Variants in LSM4 observed in about 807,000 individuals in gnomAD.
The protein encoded by LSM4 is U6 snRNA-associated Sm-like protein LSm4.
Under a neutral mutation model 22.3 loss-of-function variants are expected in LSM4, and 15 were observed. The observed-to-expected ratio is 0.67, with a 90% CI of 0.45 to 1.03. The LOEUF is 1.03. Among genes scored for constraint, LSM4 ranks in the 50% least tolerant of loss-of-function variants. The pLI, the probability that LSM4 is intolerant of heterozygous loss-of-function variation, is 0.00. For missense variants in LSM4, 127 were observed against 198.0 expected (o/e 0.64, Z 2.15); for synonymous variants, 90 against 79.8 (o/e 1.13, Z -0.68).
At position 18,307,351 on chromosome 19, in the gene LSM4, A is replaced by C; in HGVS notation, c.*113T>G. 1 of 821,104 alleles carries C rather than the reference A, an allele frequency of 1.2e-6. No individual in the cohort carries two copies. The highest frequency in any genetic ancestry group is 1.7e-6 in the Non-Finnish European group (1 of 592,724). 50.9% of individuals were successfully genotyped at this position (821,104 alleles called of 1,614,324 possible). On this transcript the variant is annotated 3_prime_UTR_variant, in exon 5 of 5. Transcript: ENST00000593829. ...TAAAAGGGAGGGTCACAAAACACGA[A>C]GGGGGTTCCCCCTGGCGCCTGCCTC...
chr19:18,312,545 G>A lies in LSM4; in HGVS notation c.144+59C>T, dbSNP rs965226369. Reference sequence around the variant, plus strand: ...CCTCCCATGAGGCCCAGGGAGGGAGGGAGGAGGCTGAGTGTGCACCCCCTG... The same window carrying A: ...CCTCCCATGAGGCCCAGGGAGGGAGAGAGGAGGCTGAGTGTGCACCCCCTG... On this transcript the variant is annotated intron_variant, in intron 3 of 4. Transcript: ENST00000593829. The A allele has an allele frequency of 2.1e-6, 3 of 1,414,218 alleles. No individual in the cohort carries two copies. In the African/African-American group the frequency reaches 4.2e-5, roughly 20 times the overall value. 87.6% of individuals were successfully genotyped at this position (1,414,218 alleles called of 1,614,324 possible). A position where few individuals can be genotyped will look rare whatever the true frequency, so the allele number is the denominator to read the frequency against.
At chr19:18,319,009 G>C (rs1970391036) in intron 1 of LSM4, among the ~76,000 whole-genome samples, 1 of 152,128 alleles carries the variant, frequency 6.6e-6, no homozygotes, top group African/African-American at 2.4e-5. Context: ...TTGGGAGGCT[G>C]AGGCGGGCAG....
chr19:18,310,617 T>A (rs1970288143), intron 3 of LSM4, among the ~76,000 whole-genome samples: 1 of 152,138 alleles, frequency 6.6e-6, no homozygotes, highest in African/African-American at 2.4e-5. Context: ...GGGCCATTCC[T>A]ACCATATCAG....
In LSM4 at chr19:18,307,564, C is replaced by A; in HGVS notation, c.329-9G>T. On this transcript the variant is annotated splice_polypyrimidine_tract_variant and intron_variant, in intron 4 of 4. Coordinates refer to ENST00000593829, the MANE Select transcript of LSM4 (RefSeq NM_012321.5). ...CCGGCCACCAAACACACCTAGAGGA[C>A]AGAGAGAGGGCGCTGCAGCAGAGCC... 1 of 1,502,152 alleles carries A rather than the reference C, an allele frequency of 6.7e-7. No individual in the cohort carries two copies. The highest frequency in any genetic ancestry group is 1.3e-5 in the South Asian group (1 of 78,728). 93.1% of individuals were successfully genotyped at this position (1,502,152 alleles called of 1,614,324 possible).
chr19:18,310,647 C>A (rs1238862663), intron 3 of LSM4, among the ~76,000 whole-genome samples: 1 of 152,178 alleles, frequency 6.6e-6, no homozygotes, highest in South Asian at 2.1e-4. Context: ...CCCGCCCCAC[C>A]GCCCAGGTTC....
intron 1 of LSM4, among the ~76,000 whole-genome samples, chr19:18,321,303 A>G (rs578014255): frequency 6.6e-6 from 1 of 152,272 alleles, no homozygotes; most frequent in Admixed American, 6.5e-5. Flanking sequence ...TTACATGCCA[A>G]CTCTGCCCTC....
At chr19:18,310,804 GC>G (rs1258891902) in intron 3 of LSM4, among the ~76,000 whole-genome samples, 3 of 152,140 alleles carry the variant, frequency 2.0e-5, no homozygotes, top group East Asian at 3.9e-4. Context: ...GCTCTCTAGG[GC>G]CCGAGATCCT....
At chr19:18,312,742 A>C in intron 2 of LSM4, 40 bp from the exon 3 acceptor site, 1 of 1,492,560 alleles carries the variant, frequency 6.7e-7, no homozygotes, top group Non-Finnish European at 9.3e-7. Flanking sequence ...GTAGCCCTGG[A>C]GCCCTGCGCC....
Position 18,307,440 on chromosome 19 carries a change from G to T in LSM4, c.*24C>A. 1 of 1,493,698 alleles carries T rather than the reference G, an allele frequency of 6.7e-7. No individual in the cohort carries two copies. 92.5% of individuals were successfully genotyped at this position (1,493,698 alleles called of 1,614,324 possible). Reference sequence around the variant, plus strand: ...AATCGCCACCCTGGCAGGAGGGGGCGCAGCAGCCGGTCTGGGTGGGCGCTC... The same window carrying T: ...AATCGCCACCCTGGCAGGAGGGGGCTCAGCAGCCGGTCTGGGTGGGCGCTC... On this transcript the variant is annotated 3_prime_UTR_variant, in exon 5 of 5. Transcript: ENST00000593829.
intron 3 of LSM4, among the ~76,000 whole-genome samples, chr19:18,310,828 C>T (rs1035758308): frequency 3.9e-5 from 6 of 152,240 alleles, no homozygotes; most frequent in Admixed American, 6.5e-5. Context: ...CCCGCCCTGG[C>T]GGTCCTCTCC....
chr19:18,315,935 C>A lies in LSM4; in HGVS notation c.45+89G>T, dbSNP rs1004377957. 4 of 1,211,282 alleles carry A rather than the reference C, an allele frequency of 3.3e-6. No homozygotes were observed. In the East Asian group the frequency reaches 7.1e-5, roughly 21 times the overall value. The allele number at this position is 1,211,282 out of a possible 1,614,324, so 75.0% of individuals were successfully genotyped here. On this transcript the variant is annotated intron_variant, in intron 2 of 4. Coordinates refer to ENST00000593829, the MANE Select transcript of LSM4 (RefSeq NM_012321.5). ...GCAAACTGCCATGCTGGTGGACAGG[C>A]AGGCCAGGAAGCCGTCTGCTCAGCC...
At chr19:18,322,339 G>T (rs1970433586) in intron 1 of LSM4, among the ~76,000 whole-genome samples, 1 of 152,168 alleles carries the variant, frequency 6.6e-6, no homozygotes. Context: ...GCACTTTCTA[G>T]CCCAGATCCA....
At chr19:18,315,982 GC>G (rs1970351307) in intron 2 of LSM4, 41 bp downstream of exon 2, 7 of 1,571,778 alleles carry the variant, frequency 4.5e-6, no homozygotes, top group Non-Finnish European at 6.1e-6. Context: ...GCTGAGGCTG[GC>G]CCCCTCTCAA....
intron 3 of LSM4, among the ~76,000 whole-genome samples, chr19:18,310,445 G>T (rs1044111161): frequency 3.3e-5 from 5 of 152,218 alleles, no homozygotes; most frequent in African/African-American, 1.2e-4. Context: ...GAAATGGGGG[G>T]ACTTGGGTCC....
chr19:18,312,908 C>T (rs1433138873), intron 2 of LSM4, among the ~76,000 whole-genome samples: 1 of 152,216 alleles, frequency 6.6e-6, no homozygotes, highest in East Asian at 1.9e-4. Context: ...TATCATGACG[C>T]CAACCTTTGT....
chr19:18,319,175 G>A (rs770257490), intron 1 of LSM4, among the ~76,000 whole-genome samples: 1 of 152,132 alleles, frequency 6.6e-6, no homozygotes, highest in Admixed American at 6.5e-5. Context: ...CCAGGAGGCA[G>A]AGGTTGCAGT....
rs879858477 is a variant in LSM4, at chr19:18,307,357, T to C, written c.*107A>G. 14 of 873,088 alleles carry C rather than the reference T, an allele frequency of 1.6e-5. No individual in the cohort carries two copies. Among genetic ancestry groups the C allele is most frequent in the Admixed American group, 4.2e-5 (1 of 23,680 alleles). 54.1% of individuals were successfully genotyped at this position (873,088 alleles called of 1,614,324 possible). On this transcript the variant is annotated 3_prime_UTR_variant, in exon 5 of 5. Transcript: ENST00000593829. ...GGAGGGTCACAAAACACGAAGGGGG[T>C]TCCCCCTGGCGCCTGCCTCTTCCTT...
chr19:18,317,457 C>T (rs1357822776), intron 1 of LSM4, among the ~76,000 whole-genome samples: 1 of 151,830 alleles, frequency 6.6e-6, no homozygotes, highest in African/African-American at 2.4e-5. Context: ...CTCAGCCTCC[C>T]GAGTAGCTGG....
intron 4 of LSM4, chr19:18,309,334 C>T (rs1030698046): frequency 2.3e-5 from 7 of 308,456 alleles, no homozygotes; most frequent in South Asian, 9.6e-5. Flanking sequence ...CCGGTGGGGG[C>T]GGGCGACCTT....
Sources: allele counts gnomAD v4.1 joint callset (sites outside exome capture counted in the v4.1 genomes callset), GRCh38; gene constraint gnomAD v4.1.1; transcripts MANE v1.5; gene names NCBI Gene and HGNC (gene_info 2026-07-23, HGNC 2026-07-21).